MARK3: variants seen among roughly 807,000 people sequenced by gnomAD.
MARK3 encodes MAP/microtubule affinity-regulating kinase 3.
MARK3 carries 46 observed loss-of-function variants against 90.1 expected under a neutral mutation model. The ratio of observed to expected loss-of-function variants is 0.51; its 90% CI spans 0.40 to 0.65. The LOEUF (loss-of-function observed/expected upper bound fraction) is 0.65, where lower values mean the gene tolerates loss of function less well. Among genes scored for constraint, MARK3 ranks in the 30% least tolerant of loss-of-function variants. MARK3 has a pLI of 0.00. For missense variants in MARK3, 818 were observed against 947.2 expected, an observed-to-expected ratio of 0.86 and a Z score of 1.79; for synonymous variants, 321 against 332.6, an observed-to-expected ratio of 0.97 and a Z score of 0.38.
intron 15 of MARK3, among the ~76,000 whole-genome samples, chr14:103,493,991 T>C (rs1483257349): frequency 1.3e-5 from 2 of 152,126 alleles, no homozygotes; most frequent in Admixed American, 6.5e-5. Context: ...CTCAGCACTT[T>C]GGGAGGCCAA....
intron 3 of MARK3, among the ~76,000 whole-genome samples, chr14:103,446,710 C>CTTTTTTTTTTTTTTTTTTTTTTTTTTTT (rs746523547): frequency 1.0e-5 from 1 of 98,052 alleles, no homozygotes; most frequent in African/African-American, 5.3e-5. Context: ...AGATTGTTGT[C>CTTTTTTTTTTTTTTTTTTTTTTTTTTTT]TTTTTTTTTT....
chr14:103,418,322 A>T (rs574429402), intron 2 of MARK3, among the ~76,000 whole-genome samples: 38 of 136,640 alleles, frequency 2.8e-4, no homozygotes, highest in African/African-American at 1.1e-3. Flanking sequence ...CCGCTCTTTC[A>T]TATAGAGACT....
At chr14:103,393,244 C>T (rs1179204981) in intron 1 of MARK3, among the ~76,000 whole-genome samples, 2 of 152,162 alleles carry the variant, frequency 1.3e-5, no homozygotes, top group Non-Finnish European at 2.9e-5. Context: ...TCCTCGGCCT[C>T]CCAAAGTGCT....
At chr14:103,460,980 T>C (rs1445311676) in intron 6 of MARK3, among the ~76,000 whole-genome samples, 1 of 152,236 alleles carries the variant, frequency 6.6e-6, no homozygotes, top group Non-Finnish European at 1.5e-5. Flanking sequence ...TTTTAAATAA[T>C]GAAGCTGCTT....
chr14:103,491,083 G>C (rs1276043745), intron 14 of MARK3: 5 of 1,279,226 alleles, frequency 3.9e-6, no homozygotes, highest in Non-Finnish European at 5.1e-6. Flanking sequence ...CCAATAGACA[G>C]TGAAGGAGAT....
chr14:103,412,728 C>T (rs1334347457), intron 2 of MARK3: 1 of 570,326 alleles, frequency 1.8e-6, no homozygotes, highest in South Asian at 1.5e-5. Flanking sequence ...TGCACCGCCT[C>T]ATCCAGGGTG....
In MARK3 at chr14:103,399,713, GAA is replaced by G. The variant is rs375827394; in HGVS notation, c.52-5350_52-5349del. Among the ~76,000 whole-genome samples, 146 of 121,192 alleles carry G rather than the reference GAA, an allele frequency of 1.2e-3. 4 individuals carry two copies. In the East Asian group the frequency reaches 0.025, roughly 21 times the overall value. 79.5% of individuals were successfully genotyped at this position (121,192 alleles called of 152,430 possible). A position where few individuals can be genotyped will look rare whatever the true frequency, so the allele number is the denominator to read the frequency against. ...AGACTCCATCTCAAAAAAAAAAAAA[GAA>G]AAAAAAAAAAAAGAAAGGAATTTGG... On this transcript the variant is annotated intron_variant, in intron 1 of 17. Coordinates refer to ENST00000429436, the MANE Select transcript of MARK3 (RefSeq NM_001128918.3).
intron 1 of MARK3, among the ~76,000 whole-genome samples, chr14:103,397,090 A>G (rs2090626146): frequency 6.6e-6 from 1 of 152,188 alleles, no homozygotes. Context: ...TGGAGCTACT[A>G]GAAAATTGAA....
chr14:103,496,877 C>T (rs766807490), intron 15 of MARK3, among the ~76,000 whole-genome samples: 5 of 151,996 alleles, frequency 3.3e-5, no homozygotes, highest in Non-Finnish European at 7.4e-5. Context: ...CCCATCTCTA[C>T]AAAAACATTT....
chr14:103,386,292 A>T (rs770163958), intron 1 of MARK3: 2 of 703,940 alleles, frequency 2.8e-6, no homozygotes, highest in Non-Finnish European at 5.2e-6. Context: ...TACATCGATT[A>T]TGCCGGCAGT....
chr14:103,400,943 TTGTGTGTGTGTGTG>T (rs61635275), intron 1 of MARK3, among the ~76,000 whole-genome samples: 5 of 123,548 alleles, frequency 4.0e-5, no homozygotes, highest in Non-Finnish European at 6.4e-5. Flanking sequence ...ATATAACATT[TTGTGTGTGTGTGTG>T]TGTGTGTGTG....
chr14:103,418,219 CTTTTTTTT>C (rs36012703), intron 2 of MARK3, among the ~76,000 whole-genome samples: 1 of 61,654 alleles, frequency 1.6e-5, no homozygotes, highest in African/African-American at 5.8e-5. Context: ...ATAGTAAAGG[CTTTTTTTT>C]TTTTTTTTTT....
chr14:103,400,731 A>G (rs1321017956), intron 1 of MARK3, among the ~76,000 whole-genome samples: 1 of 151,934 alleles, frequency 6.6e-6, no homozygotes, highest in Non-Finnish European at 1.5e-5. Flanking sequence ...TCCTATCTCT[A>G]CAAAAAATTA....
chr14:103,453,024 G>A (rs1209328039), intron 5 of MARK3, among the ~76,000 whole-genome samples: 2 of 152,194 alleles, frequency 1.3e-5, no homozygotes, highest in African/African-American at 4.8e-5. Context: ...TGTCGCTGGT[G>A]TCTGTCTTCC....
chr14:103,484,329 A>G (rs939489082), intron 14 of MARK3, among the ~76,000 whole-genome samples: 1 of 151,786 alleles, frequency 6.6e-6, no homozygotes, highest in East Asian at 1.9e-4. Flanking sequence ...GGCACACACC[A>G]CCACACCTGG....
At chr14:103,461,707 G>A (rs114082485) in intron 6 of MARK3, among the ~76,000 whole-genome samples, 2,567 of 152,252 alleles carry the variant, frequency 0.017, 50 homozygotes, top group African/African-American at 0.047. Flanking sequence ...CTCTCTAACC[G>A]CTGGTTTGGT....
intron 6 of MARK3, among the ~76,000 whole-genome samples, chr14:103,461,247 A>G (rs1191248210): frequency 1.3e-5 from 2 of 152,250 alleles, no homozygotes; most frequent in African/African-American, 2.4e-5. Flanking sequence ...AGATGCAAGT[A>G]CAGCAAAATA....
chr14:103,480,643 A>G (rs1259089581), intron 14 of MARK3, among the ~76,000 whole-genome samples, 153 bp downstream of exon 14: 2 of 152,260 alleles, frequency 1.3e-5, no homozygotes, highest in Admixed American at 6.5e-5. Flanking sequence ...TTTTAGCAAG[A>G]TACTAGAATT....
intron 1 of MARK3, among the ~76,000 whole-genome samples, chr14:103,394,492 C>G (rs985269436): frequency 8.5e-5 from 13 of 152,178 alleles, no homozygotes; most frequent in Non-Finnish European, 1.9e-4. Context: ...TAGCACTACA[C>G]TCTAGCCACT....
Sources: allele counts gnomAD v4.1 joint callset (sites outside exome capture counted in the v4.1 genomes callset), GRCh38; gene constraint gnomAD v4.1.1; transcripts MANE v1.5; gene names NCBI Gene and HGNC (gene_info 2026-07-23, HGNC 2026-07-21).